Variants in MFHAS1 observed in about 807,000 individuals in gnomAD.
The protein encoded by MFHAS1 is multifunctional ROCO family signaling regulator 1, also known as malignant fibrous histiocytoma-amplified sequence 1.
A neutral mutation model predicts 70.4 loss-of-function variants in MFHAS1; 50 were observed. That is an observed-to-expected ratio of 0.71 (90% CI 0.57 to 0.90). MFHAS1 has a LOEUF of 0.90. Ranked by LOEUF, MFHAS1 falls within the 40% of genes least tolerant of loss-of-function variation. MFHAS1 has a pLI of 0.00. For missense variants in MFHAS1, 1,795 were observed against 1,347.6 expected, an observed-to-expected ratio of 1.33 and a Z score of -5.20; for synonymous variants, 952 against 620.0, an observed-to-expected ratio of 1.54 and a Z score of -7.96.
At chr8:8,857,012 G>T (rs952952367) in intron 1 of MFHAS1, among the ~76,000 whole-genome samples, 1 of 142,252 alleles carries the variant, frequency 7.0e-6, no homozygotes, top group African/African-American at 2.6e-5. Context: ...AAAAAAAGAG[G>T]AGAGATACCG....
chr8:8,856,730 T>C (rs1226619483), intron 1 of MFHAS1, among the ~76,000 whole-genome samples: 1 of 152,064 alleles, frequency 6.6e-6, no homozygotes, highest in African/African-American at 2.4e-5. Flanking sequence ...AGCATCCCCA[T>C]GGCACTCAGC....
chr8:8,796,696 A>AAAAAAAAAAGGT (rs1156579459), intron 2 of MFHAS1, among the ~76,000 whole-genome samples: 1 of 97,408 alleles, frequency 1.0e-5, no homozygotes, highest in Non-Finnish European at 2.3e-5. Flanking sequence ...AACAAAAAAA[A>AAAAAAAAAAGGT]AAAAAAAGGC....
chr8:8,812,270 G>C (rs893734699), intron 1 of MFHAS1, among the ~76,000 whole-genome samples: 2 of 152,162 alleles, frequency 1.3e-5, no homozygotes, highest in African/African-American at 4.8e-5. Flanking sequence ...TAGTGGTTCA[G>C]GGGTGTGGGG....
chr8:8,865,515 G>A (rs539977877), intron 1 of MFHAS1, among the ~76,000 whole-genome samples: 2 of 152,152 alleles, frequency 1.3e-5, no homozygotes, highest in African/African-American at 4.8e-5. Flanking sequence ...CACAACCAAG[G>A]ACCCCTCCCA....
At chr8:8,812,368 T>G (rs1371688438) in intron 1 of MFHAS1, among the ~76,000 whole-genome samples, 2 of 152,204 alleles carry the variant, frequency 1.3e-5, no homozygotes, top group Non-Finnish European at 2.9e-5. Flanking sequence ...GTCAGTACGC[T>G]GCTGGGTCCC....
At chr8:8,787,374 C>T (rs1206445968) in intron 2 of MFHAS1, among the ~76,000 whole-genome samples, 1 of 152,146 alleles carries the variant, frequency 6.6e-6, no homozygotes, top group African/African-American at 2.4e-5. Context: ...GCCACTGCGC[C>T]CGGCCTCAGC....
chr8:8,789,923 C>G (rs1026333900), intron 2 of MFHAS1, among the ~76,000 whole-genome samples: 4 of 152,080 alleles, frequency 2.6e-5, no homozygotes, highest in Non-Finnish European at 5.9e-5. Flanking sequence ...GCCTACCCGG[C>G]CTTGCCCGTT....
chr8:8,835,135 G>T (rs1298964423), intron 1 of MFHAS1, among the ~76,000 whole-genome samples: 3 of 152,134 alleles, frequency 2.0e-5, no homozygotes, highest in African/African-American at 7.2e-5. Flanking sequence ...GCAGATGAGT[G>T]GTTGTTCGAG....
intron 1 of MFHAS1, among the ~76,000 whole-genome samples, chr8:8,822,361 G>A (rs912290583): frequency 1.3e-5 from 2 of 152,194 alleles, no homozygotes; most frequent in Admixed American, 6.5e-5. Context: ...GCACTGAGAC[G>A]TGACCATGCC....
chr8:8,786,764 G>C (rs12677543), intron 2 of MFHAS1, among the ~76,000 whole-genome samples: 73,491 of 150,756 alleles, frequency 0.49, 18,819 homozygotes, highest in East Asian at 0.86. Context: ...AAGGAAAAAG[G>C]AGTTACGATT....
chr8:8,832,359 A>G (rs1367145006), intron 1 of MFHAS1, among the ~76,000 whole-genome samples: 1 of 151,868 alleles, frequency 6.6e-6, no homozygotes, highest in African/African-American at 2.4e-5. Context: ...TTAAAAACTC[A>G]TACAGCTCAA....
intron 1 of MFHAS1, among the ~76,000 whole-genome samples, chr8:8,806,814 A>C (rs934958630): frequency 6.6e-5 from 10 of 152,086 alleles, no homozygotes; most frequent in Admixed American, 3.9e-4. Context: ...TACAAAAATT[A>C]GCCAGGCGAG....
At chr8:8,833,105 C>G (rs998919663) in intron 1 of MFHAS1, among the ~76,000 whole-genome samples, 2 of 152,124 alleles carry the variant, frequency 1.3e-5, no homozygotes, top group African/African-American at 4.8e-5. Flanking sequence ...AGGTGCCACA[C>G]ACTTTTAAAC....
intron 1 of MFHAS1, among the ~76,000 whole-genome samples, chr8:8,829,057 G>A (rs577690494): frequency 3.3e-5 from 5 of 152,310 alleles, no homozygotes; most frequent in Admixed American, 6.5e-5. Context: ...GGACACTGCA[G>A]AATGGGCCCT....
chr8:8,810,529 C>A (rs1202613812), intron 1 of MFHAS1, among the ~76,000 whole-genome samples: 1 of 152,144 alleles, frequency 6.6e-6, no homozygotes, highest in Non-Finnish European at 1.5e-5. Flanking sequence ...AATACGAAGA[C>A]GATGATGAAG....
At chr8:8,842,225 GC>G (rs1431104648) in intron 1 of MFHAS1, among the ~76,000 whole-genome samples, 1 of 151,278 alleles carries the variant, frequency 6.6e-6, no homozygotes, top group African/African-American at 2.4e-5. Flanking sequence ...TCGCTCTGTT[GC>G]CCAGGCTGGA....
In MFHAS1 at chr8:8,892,746, C is replaced by T. The variant is rs760864083; in HGVS notation, c.313G>A (p.Ala105Thr). The change falls in exon 1 of 3, where the codon GCG becomes ACG. Residue 105 changes from alanine (A) to threonine (T), a missense_variant. Coordinates refer to ENST00000276282, the MANE Select transcript of MFHAS1 (RefSeq NM_004225.3). This position sits in a 1 kb window ranked among gnomAD's most constrained non-coding sequence, Gnocchi z 4.7. ...RRNRFARLPP[A>T]VAELGHHLTE... ...AGGTGGTGGCCGAGCTCGGCCACCG[C>T]CGGGGGCAGCCGGGCGAAGCGGTTC... The T allele has an allele frequency of 3.5e-5, 55 of 1,572,992 alleles. No homozygotes were observed. Among genetic ancestry groups the T allele is most frequent in the Non-Finnish European group, 4.6e-5 (53 of 1,161,956 alleles).
chr8:8,822,499 G>A (rs544159212), intron 1 of MFHAS1, among the ~76,000 whole-genome samples: 1 of 149,798 alleles, frequency 6.7e-6, no homozygotes, highest in South Asian at 2.4e-4. Context: ...CCAAGTCAGG[G>A]GGACTGAGAT....
chr8:8,841,008 CAT>C (rs1261466044), intron 1 of MFHAS1, among the ~76,000 whole-genome samples: 1 of 152,142 alleles, frequency 6.6e-6, no homozygotes, highest in South Asian at 2.1e-4. Flanking sequence ...AGCCCCATCA[CAT>C]GTAATATTTT....
Sources: gnomAD v4.1 joint callset for allele counts (sites outside exome capture counted in the v4.1 genomes callset) on GRCh38, gnomAD v4.1.1 for gene constraint, Gnocchi (gnomAD v3.1) non-coding constraint, MANE v1.5 for transcripts, NCBI Gene and HGNC (gene_info 2026-07-23, HGNC 2026-07-21) for gene names.